The following ARHGAP31 variants were observed in gnomAD, a reference collection of about 807,000 sequenced individuals.
The protein encoded by ARHGAP31 is Rho GTPase activating protein 31, also known as rho GTPase-activating protein 31.
Under a neutral mutation model 113.9 loss-of-function variants are expected in ARHGAP31, and 34 were observed. That is an observed-to-expected ratio of 0.30 (90% CI 0.23 to 0.40). The LOEUF (loss-of-function observed/expected upper bound fraction) is 0.40, where lower values mean the gene tolerates loss of function less well. Among genes scored for constraint, ARHGAP31 ranks in the 10% least tolerant of loss-of-function variants. The pLI, the probability that ARHGAP31 is intolerant of heterozygous loss-of-function variation, is 1.00. For synonymous variants in ARHGAP31, 650 were observed against 684.8 expected, an observed-to-expected ratio of 0.95 and a Z score of 0.79; for missense variants, 1,548 against 1,767.1, an observed-to-expected ratio of 0.88 and a Z score of 2.22.
chr3:119,334,634 A>G (rs2079926465), intron 1 of ARHGAP31, among the ~76,000 whole-genome samples: 1 of 152,214 alleles, frequency 6.6e-6, no homozygotes, highest in South Asian at 2.1e-4. Flanking sequence ...GGAATAAACA[A>G]GGACCATCCC....
Position 119,420,249 on chromosome 3 carries a change from T to G in ARHGAP31, c.*3985T>G, listed in dbSNP as rs1256257123. On this transcript the variant is annotated 3_prime_UTR_variant, in exon 12 of 12. Transcript: ENST00000264245. The stretch of plus-strand genomic sequence containing the variant: ...TTCTACCACGGCCAGTCCAATCTGA[T>G]GACCACATGAATTGGGGTTAAGTGT... 6.6e-6 allele frequency: 1 copy of G among 152,262 alleles called. No individual in the cohort carries two copies. Among genetic ancestry groups the G allele is most frequent in the African/African-American group, 2.4e-5 (1 of 41,464 alleles). 9.4% of individuals were successfully genotyped at this position (152,262 alleles called of 1,614,324 possible). A position where few individuals can be genotyped will look rare whatever the true frequency, so the allele number is the denominator to read the frequency against.
chr3:119,298,882 A>G, intron 1 of ARHGAP31: 1 of 234,032 alleles, frequency 4.3e-6, no homozygotes, highest in Admixed American at 4.2e-5. Context: ...AAGCTACATT[A>G]TTGTGTGAGT....
At chr3:119,372,217 T>G (rs1012638622) in intron 3 of ARHGAP31, among the ~76,000 whole-genome samples, 2 of 151,608 alleles carry the variant, frequency 1.3e-5, no homozygotes, top group African/African-American at 2.4e-5. Flanking sequence ...TGATTTACAC[T>G]CCCAACAGTG....
Position 119,409,597 on chromosome 3 carries a change from C to A in ARHGAP31, c.1747C>A (p.His583Asn). The A allele has an allele frequency of 6.2e-7, 1 of 1,614,054 alleles. No individual in the cohort carries two copies. Among genetic ancestry groups the A allele is most frequent in the Non-Finnish European group, 8.5e-7 (1 of 1,179,968 alleles). ...AGGCCTGTCCCAGGAGCCAGGCGCCCACCTGGAGGAGAAGAAAACCCCAGA... is the reference window on the plus strand; with the variant it reads ...AGGCCTGTCCCAGGAGCCAGGCGCCAACCTGGAGGAGAAGAAAACCCCAGA... ...SKGLSQEPGA[H>N]LEEKKTPESS... Residue 583 changes from histidine to asparagine, a missense_variant, in exon 11 of 12, where the codon CAC becomes AAC. By Grantham distance (68) the His-to-Asn change is moderately conservative (BLOSUM62 1). Coordinates refer to ENST00000264245, the MANE Select transcript of ARHGAP31 (RefSeq NM_020754.4).
intron 1 of ARHGAP31, among the ~76,000 whole-genome samples, chr3:119,355,710 C>T (rs539820223): frequency 2.0e-4 from 30 of 152,114 alleles, no homozygotes; most frequent in South Asian, 1.0e-3. Context: ...TGTTCAATTC[C>T]GACCTATGAA....
intron 1 of ARHGAP31, among the ~76,000 whole-genome samples, chr3:119,317,080 G>A (rs996866864): frequency 6.6e-6 from 1 of 152,136 alleles, no homozygotes; most frequent in African/African-American, 2.4e-5. Flanking sequence ...GAACACATAC[G>A]CAAAGCCATG....
At chr3:119,367,673 G>A (rs1056443110) in intron 2 of ARHGAP31, among the ~76,000 whole-genome samples, 3 of 151,992 alleles carry the variant, frequency 2.0e-5, no homozygotes, top group South Asian at 4.2e-4. Flanking sequence ...CCTGGCTAAC[G>A]TGGTGAAACC....
chr3:119,379,852 T>C (rs950796333), intron 3 of ARHGAP31, among the ~76,000 whole-genome samples: 9 of 152,208 alleles, frequency 5.9e-5, no homozygotes, highest in African/African-American at 2.2e-4. Flanking sequence ...ATAGCTGTGG[T>C]TACCATGGAC....
intron 1 of ARHGAP31, among the ~76,000 whole-genome samples, chr3:119,320,991 T>C (rs1399711150): frequency 6.6e-6 from 1 of 152,178 alleles, no homozygotes; most frequent in Non-Finnish European, 1.5e-5. Flanking sequence ...TGAGTGCCTT[T>C]AATCTTCCAC....
rs139280353 is a variant in ARHGAP31 at position 119,361,681 on chromosome 3, G to A, written c.101-3635G>A. Reference sequence around the variant, plus strand: ...ACAGGCGTGAGCCACTGTGCCCAGCGGTCCTTCAACTTTCGAGTACATCAG... The same window carrying A: ...ACAGGCGTGAGCCACTGTGCCCAGCAGTCCTTCAACTTTCGAGTACATCAG... On this transcript the variant is annotated intron_variant, in intron 1 of 11. Coordinates refer to ENST00000264245, the MANE Select transcript of ARHGAP31 (RefSeq NM_020754.4). Among the ~76,000 whole-genome samples, 17 of 152,104 alleles carry A rather than the reference G, an allele frequency of 1.1e-4. No homozygotes were observed. The East Asian group carries it at 1.9e-3, about 17-fold the overall frequency.
At chr3:119,366,512 C>G (rs2080253355) in intron 2 of ARHGAP31, among the ~76,000 whole-genome samples, 1 of 151,818 alleles carries the variant, frequency 6.6e-6, no homozygotes, top group South Asian at 2.1e-4. Flanking sequence ...TATGTGTTTA[C>G]ATAATTTCAC....
chr3:119,319,311 A>G (rs2079762147), intron 1 of ARHGAP31, among the ~76,000 whole-genome samples: 1 of 151,854 alleles, frequency 6.6e-6, no homozygotes, highest in South Asian at 2.1e-4. Context: ...TGTGAGCCCA[A>G]GTGTCATACA....
rs1408814939 is a variant in ARHGAP31, at chr3:119,379,029, G to T, written c.349-1875G>T. 3.3e-5 allele frequency among the ~76,000 whole-genome samples: 5 copies of T among 152,262 alleles called. No homozygotes were observed. The East Asian group carries it at 9.6e-4, about 29-fold the overall frequency. On this transcript the variant is annotated intron_variant, in intron 3 of 11. Coordinates refer to ENST00000264245, the MANE Select transcript of ARHGAP31 (RefSeq NM_020754.4). Reference sequence around the variant, plus strand: ...CGAGACCTCAAGATTCCCACATAGAGAAGTTGGATTGCCTTAAAAAATGGT... The same window carrying T: ...CGAGACCTCAAGATTCCCACATAGATAAGTTGGATTGCCTTAAAAAATGGT...
chr3:119,348,866 C>T (rs10511388), intron 1 of ARHGAP31, among the ~76,000 whole-genome samples: 7,264 of 152,204 alleles, frequency 0.048, 218 homozygotes, highest in Middle Eastern at 0.082. Flanking sequence ...AAAATTACTT[C>T]TAAAGACAGT....
At chr3:119,296,350 AC>A (rs767632954) in intron 1 of ARHGAP31, among the ~76,000 whole-genome samples, 107 of 152,324 alleles carry the variant, frequency 7.0e-4, no homozygotes, top group Admixed American at 2.7e-3. Context: ...TTGAATCCTC[AC>A]CAACCATCTG....
At chr3:119,329,948 G>C (rs2079876977) in intron 1 of ARHGAP31, 1 of 985,382 alleles carries the variant, frequency 1.0e-6, no homozygotes, top group Admixed American at 6.1e-5. Context: ...CGCTGAAGAA[G>C]TCAAAGTGGA....
rs147415811 is a variant in ARHGAP31 at position 119,414,252 on chromosome 3, G to A, written c.2323G>A (p.Gly775Ser). 6.1e-5 allele frequency: 99 copies of A among 1,614,180 alleles called. No individual in the cohort carries two copies. In the Middle Eastern group the frequency reaches 9.9e-4, roughly 16 times the overall value. Residue 775 changes from glycine to serine, a missense_variant, in exon 12 of 12, where the codon GGC (glycine) becomes AGC (serine). Gly to Ser is a moderately conservative substitution (Grantham distance 56). Transcript: ENST00000264245. ...PQATVEVGGP[G>S]NLSPPLPPAP... Reference sequence around the variant, plus strand: ...AGCAACAGTGGAAGTAGGAGGCCCAGGCAATCTGTCTCCTCCACTCCCACC... The same window carrying A: ...AGCAACAGTGGAAGTAGGAGGCCCAAGCAATCTGTCTCCTCCACTCCCACC...
chr3:119,396,938 AG>A (rs2080555480), intron 8 of ARHGAP31, among the ~76,000 whole-genome samples: 1 of 152,262 alleles, frequency 6.6e-6, no homozygotes, highest in African/African-American at 2.4e-5. Context: ...ATTATTAAAG[AG>A]AAAGAAGAGT....
intron 1 of ARHGAP31, among the ~76,000 whole-genome samples, chr3:119,336,446 G>C (rs909903081): frequency 6.6e-6 from 1 of 152,024 alleles, no homozygotes; most frequent in African/African-American, 2.4e-5. Flanking sequence ...CAGCGGGAGA[G>C]GGACACCTTG....
Sources: allele counts gnomAD v4.1 joint callset (sites outside exome capture counted in the v4.1 genomes callset), GRCh38; gene constraint gnomAD v4.1.1; transcripts MANE v1.5; gene names NCBI Gene and HGNC (gene_info 2026-07-23, HGNC 2026-07-21).